PLCXD2: variants seen among roughly 807,000 people sequenced by gnomAD.
The protein encoded by PLCXD2 is PI-PLC X domain-containing protein 2.
PLCXD2 carries 21 observed loss-of-function variants against 28.6 expected under a neutral mutation model. That is an observed-to-expected ratio of 0.73 (90% CI 0.52 to 1.06). The LOEUF (loss-of-function observed/expected upper bound fraction) is 1.06. Ranked by LOEUF, PLCXD2 falls within the 50% of genes least tolerant of loss-of-function variation. The pLI is 0.00. For missense variants in PLCXD2, 369 were observed against 376.7 expected (o/e 0.98, Z 0.17); for synonymous variants, 140 against 150.1 (o/e 0.93, Z 0.49).
intron 1 of PLCXD2, among the ~76,000 whole-genome samples, chr3:111,705,274 T>C (rs899245858): frequency 1.3e-5 from 2 of 152,246 alleles, no homozygotes; most frequent in Non-Finnish European, 2.9e-5. Context: ...TTTATCTTTC[T>C]GTGCCTGACT....
chr3:111,705,704 C>T (rs1252289931), intron 1 of PLCXD2, among the ~76,000 whole-genome samples: 2 of 151,638 alleles, frequency 1.3e-5, no homozygotes, highest in African/African-American at 4.9e-5. Context: ...GCTGTTGTAA[C>T]TGGGCAGGGA....
intron 1 of PLCXD2, chr3:111,692,475 T>C (rs1306885825): frequency 2.0e-5 from 3 of 152,234 alleles, no homozygotes; most frequent in Non-Finnish European, 4.4e-5. Flanking sequence ...GATGGGGAAA[T>C]TTAAATGAAC....
intron 1 of PLCXD2, among the ~76,000 whole-genome samples, chr3:111,693,503 C>T (rs967394932): frequency 2.6e-5 from 4 of 152,164 alleles, no homozygotes; most frequent in East Asian, 3.9e-4. Flanking sequence ...TTGCAAGTCA[C>T]CTATTTGTGT....
chr3:111,707,786 C>A (rs545200046), intron 1 of PLCXD2, 140 bp from the exon 2 acceptor site: 22 of 750,178 alleles, frequency 2.9e-5, no homozygotes, highest in African/African-American at 2.6e-4. Context: ...GCAAGCTTGG[C>A]AAATTTTGCT....
At chr3:111,721,623 A>G in intron 3 of PLCXD2, 1 of 152,138 alleles carries the variant, frequency 6.6e-6, no homozygotes, top group East Asian at 1.9e-4. Flanking sequence ...ATGATGGGAG[A>G]TCTTTTTAGC....
rs1941411000 is a variant in PLCXD2 at position 111,726,056 on chromosome 3, T to C, written c.867-6563T>C. Reference sequence around the variant, plus strand: ...TCAACCTACATCCAATCATTAGAACTATACTGGAGCCCAGAACTTGGGACC... The same window carrying C: ...TCAACCTACATCCAATCATTAGAACCATACTGGAGCCCAGAACTTGGGACC... On this transcript the variant is annotated intron_variant, in intron 3 of 4. Transcript: ENST00000477665. 6 of 215,176 alleles carry C rather than the reference T, an allele frequency of 2.8e-5. No homozygotes were observed. The Middle Eastern group carries it at 3.7e-3, about 132-fold the overall frequency. 13.3% of individuals were successfully genotyped at this position (215,176 alleles called of 1,614,324 possible).
intron 3 of PLCXD2, among the ~76,000 whole-genome samples, chr3:111,719,572 C>T (rs114660124): frequency 0.012 from 1,878 of 152,256 alleles, 17 homozygotes; most frequent in Non-Finnish European, 0.021. Flanking sequence ...TGAAAGGCAA[C>T]GAACTACTGA....
At position 111,694,728 on chromosome 3, in the gene PLCXD2, G is replaced by A. The variant is rs554640636; in HGVS notation, c.164-13198G>A. Among the ~76,000 whole-genome samples the A allele has an allele frequency of 7.7e-4, 117 of 152,296 alleles. 1 individual carries two copies. Among genetic ancestry groups the A allele is most frequent in the African/African-American group, 2.7e-3 (113 of 41,562 alleles). ...GAGCTGGTGACAGCCTCCATGGGAA[G>A]TCAGAGCTGGACCCTAAGGGATCCG... On this transcript the variant is annotated intron_variant, in intron 1 of 4. Transcript: ENST00000477665.
At chr3:111,717,296 A>C (rs1941279440) in intron 3 of PLCXD2, among the ~76,000 whole-genome samples, 1 of 151,960 alleles carries the variant, frequency 6.6e-6, no homozygotes, top group Non-Finnish European at 1.5e-5. Context: ...ACCCAGAAAC[A>C]CTATGGACCA....
At chr3:111,723,755 C>CA (rs1576467107) in intron 3 of PLCXD2, 1 of 152,168 alleles carries the variant, frequency 6.6e-6, no homozygotes, top group East Asian at 1.9e-4. Flanking sequence ...AGAGGGAAAA[C>CA]AGATTTTAGG....
intron 1 of PLCXD2, among the ~76,000 whole-genome samples, chr3:111,695,174 A>AG (rs1482435297): frequency 6.6e-6 from 1 of 151,786 alleles, no homozygotes; most frequent in Non-Finnish European, 1.5e-5. Flanking sequence ...AAAAAAAAAA[A>AG]AAAAAAATCT....
intron 1 of PLCXD2, among the ~76,000 whole-genome samples, chr3:111,693,338 G>A (rs183936660): frequency 1.3e-5 from 2 of 152,306 alleles, no homozygotes; most frequent in Admixed American, 1.3e-4. Flanking sequence ...CTGTGGCTAC[G>A]GAGGAGCAGA....
At chr3:111,724,046 A>G (rs963823904) in intron 3 of PLCXD2, 1 of 152,214 alleles carries the variant, frequency 6.6e-6, no homozygotes, top group African/African-American at 2.4e-5. Flanking sequence ...AAAGGGGACC[A>G]TCAAAGGTTT....
chr3:111,699,849 A>G (rs1381286083), intron 1 of PLCXD2, among the ~76,000 whole-genome samples: 1 of 152,204 alleles, frequency 6.6e-6, no homozygotes, highest in African/African-American at 2.4e-5. Flanking sequence ...TGGTTATTTA[A>G]TTGGTTAAAG....
At chr3:111,686,580 C>T (rs1234663987) in intron 1 of PLCXD2, among the ~76,000 whole-genome samples, 1 of 152,130 alleles carries the variant, frequency 6.6e-6, no homozygotes, top group Non-Finnish European at 1.5e-5. Flanking sequence ...TGGCCCCCCT[C>T]ATTTGGAATC....
intron 1 of PLCXD2, among the ~76,000 whole-genome samples, chr3:111,689,539 A>T (rs1452206693): frequency 6.6e-6 from 1 of 152,208 alleles, no homozygotes; most frequent in African/African-American, 2.4e-5. Context: ...TGCCTCGCCA[A>T]TTACAGTTCA....
intron 2 of PLCXD2, among the ~76,000 whole-genome samples, chr3:111,711,484 A>G (rs1487596084): frequency 6.6e-6 from 1 of 152,264 alleles, no homozygotes; most frequent in East Asian, 1.9e-4. Flanking sequence ...TGCTACTGCC[A>G]GGGCAGAGTT....
chr3:111,708,754 C>T (rs1941158019), intron 2 of PLCXD2, among the ~76,000 whole-genome samples: 1 of 152,120 alleles, frequency 6.6e-6, no homozygotes, highest in Non-Finnish European at 1.5e-5. Context: ...TCCATCTTGC[C>T]TTCAACTCAA....
At chr3:111,687,312 G>C (rs886789271) in intron 1 of PLCXD2, among the ~76,000 whole-genome samples, 1 of 152,154 alleles carries the variant, frequency 6.6e-6, no homozygotes, top group African/African-American at 2.4e-5. Flanking sequence ...AGTCTCCTTG[G>C]TAGAGTCAGG....
Sources: allele counts gnomAD v4.1 joint callset (sites outside exome capture counted in the v4.1 genomes callset), GRCh38; gene constraint gnomAD v4.1.1; transcripts MANE v1.5; gene names NCBI Gene and HGNC (gene_info 2026-07-23, HGNC 2026-07-21).